LTAP1: variants seen among roughly 807,000 people sequenced by gnomAD.
LTAP1 encodes the protein HCV NS5A-transactivated protein 4.
chr1:154,220,490 C>T, the LTAP1 span: 46 of 1,497,676 alleles, frequency 3.1e-5, no homozygotes, highest in Admixed American at 4.6e-4. Context: ...AGCGACGGCG[C>T]CTGGGTCCCC....
At chr1:154,219,731 CAAAG>C in the LTAP1 span, 1 of 879,442 alleles carries the variant, frequency 1.1e-6, no homozygotes, top group South Asian at 1.7e-5. Context: ...CAAGTGCACG[CAAAG>C]AAACATGAGA....
the LTAP1 span, among the ~76,000 whole-genome samples, chr1:154,216,340 A>T: frequency 6.7e-4 from 100 of 149,276 alleles, no homozygotes; most frequent in African/African-American, 1.7e-3. Flanking sequence ...TAAAAAAAAA[A>T]TTTTTTTTTT....
At chr1:154,210,698 T>C in the LTAP1 span, among the ~76,000 whole-genome samples, 4 of 152,152 alleles carry the variant, frequency 2.6e-5, no homozygotes, top group African/African-American at 9.6e-5. Flanking sequence ...AAGCTGGTCT[T>C]GAACTCCTGA....
At chr1:154,211,779 A>G in the LTAP1 span, 1 of 154,764 alleles carries the variant, frequency 6.5e-6, no homozygotes, top group Non-Finnish European at 1.4e-5. Context: ...GCTAAACAAA[A>G]GACAAGAAAA....
At chr1:154,210,416 C>T in the LTAP1 span, among the ~76,000 whole-genome samples, 1 of 152,136 alleles carries the variant, frequency 6.6e-6, no homozygotes, top group African/African-American at 2.4e-5. Context: ...ACCCCTTAAG[C>T]TCTTGAAAAA....
the LTAP1 span, among the ~76,000 whole-genome samples, chr1:154,217,668 G>T: frequency 3.3e-5 from 5 of 151,886 alleles, no homozygotes; most frequent in African/African-American, 9.7e-5. Context: ...GAGTAGTTAG[G>T]ATTTTTTTCT....
the LTAP1 span, among the ~76,000 whole-genome samples, chr1:154,209,985 C>T: frequency 1.3e-5 from 2 of 152,008 alleles, no homozygotes; most frequent in African/African-American, 4.8e-5. Context: ...CTCAGCCTCC[C>T]AAAGTGTTGG....
At chr1:154,212,109 G>A in the LTAP1 span, 9 of 542,990 alleles carry the variant, frequency 1.7e-5, no homozygotes, top group Admixed American at 9.0e-5. Context: ...CTCCCGCCTC[G>A]GCCTCCCAAA....
chr1:154,207,733 T>C, the LTAP1 span: 6 of 1,072,178 alleles, frequency 5.6e-6, no homozygotes, highest in Non-Finnish European at 6.8e-6. Flanking sequence ...AATGCAGCAA[T>C]AGTCACAAAT....
At chr1:154,210,977 G>A in the LTAP1 span, among the ~76,000 whole-genome samples, 2 of 151,982 alleles carry the variant, frequency 1.3e-5, no homozygotes, top group African/African-American at 2.4e-5. Context: ...AATACTTTAA[G>A]TGGTAGTAAA....
the LTAP1 span, chr1:154,214,378 C>T: frequency 1.1e-6 from 1 of 926,772 alleles, no homozygotes; most frequent in Non-Finnish European, 1.7e-6. Context: ...TTGCCAGCAG[C>T]TTTTGACAAC....
chr1:154,207,571 G>C, the LTAP1 span: 1 of 1,614,140 alleles, frequency 6.2e-7, no homozygotes, highest in East Asian at 2.2e-5. Flanking sequence ...GGTTGTTGGG[G>C]AGACCTCAGG....
the LTAP1 span, chr1:154,214,549 C>T: frequency 5.0e-6 from 8 of 1,612,168 alleles, no homozygotes; most frequent in South Asian, 4.4e-5. Flanking sequence ...CCTGGAGAGT[C>T]GAATATCAAT....
the LTAP1 span, among the ~76,000 whole-genome samples, chr1:154,216,880 C>A: frequency 6.6e-6 from 1 of 151,850 alleles, no homozygotes; most frequent in African/African-American, 2.4e-5. Flanking sequence ...AACTCCTGAG[C>A]TGACGTGATC....
At chr1:154,215,763 A>C in the LTAP1 span, among the ~76,000 whole-genome samples, 7 of 152,210 alleles carry the variant, frequency 4.6e-5, no homozygotes, top group Admixed American at 6.5e-5. Flanking sequence ...GTACATTTTA[A>C]ATAATTATAA....
At chr1:154,213,516 A>G in the LTAP1 span, among the ~76,000 whole-genome samples, 1 of 152,354 alleles carries the variant, frequency 6.6e-6, no homozygotes, top group Admixed American at 6.5e-5. Flanking sequence ...AACTGTTTTC[A>G]TAGAGATAAA....
chr1:154,207,474 G>A, the LTAP1 span: 3 of 1,614,108 alleles, frequency 1.9e-6, no homozygotes, highest in East Asian at 4.5e-5. Flanking sequence ...TCTCCAATGT[G>A]TTATAGTTAT....
At chr1:154,208,114 GCA>G in the LTAP1 span, among the ~76,000 whole-genome samples, 1 of 150,472 alleles carries the variant, frequency 6.6e-6, no homozygotes, top group South Asian at 2.1e-4. Context: ...AAAAAAAGTA[GCA>G]GAGAGGCTGG....
the LTAP1 span, chr1:154,213,902 G>A: frequency 5.6e-6 from 9 of 1,612,796 alleles, no homozygotes; most frequent in Non-Finnish European, 5.9e-6. Context: ...CCAGAGGTAC[G>A]AATGGCATCC....
Sources: gnomAD v4.1 joint callset for allele counts (sites outside exome capture counted in the v4.1 genomes callset) on GRCh38, gnomAD v4.1.1 for gene constraint, MANE v1.5 for transcripts, NCBI Gene and HGNC (gene_info 2026-07-23, HGNC 2026-07-21) for gene names.